Variants in BAIAP2 observed in about 807,000 individuals in gnomAD.
BAIAP2 encodes BAR/IMD domain containing adaptor protein 2.
In BAIAP2, 18 loss-of-function variants were observed where a neutral mutation model predicts 63.0. The ratio of observed to expected loss-of-function variants is 0.29; its 90% CI spans 0.20 to 0.42. BAIAP2 has a LOEUF of 0.42. BAIAP2 is among the 10% of genes least tolerant of loss of function. The probability of loss-of-function intolerance (pLI) is 1.00; values close to 1 mark genes in which losing one functional copy is unlikely to be tolerated. For missense variants in BAIAP2, 610 were observed against 734.3 expected, an observed-to-expected ratio of 0.83 and a Z score of 1.96; for synonymous variants, 386 against 307.6, an observed-to-expected ratio of 1.25 and a Z score of -2.67.
intron 3 of BAIAP2, among the ~76,000 whole-genome samples, chr17:81,084,269 G>C (rs1217110143): frequency 6.6e-6 from 1 of 152,170 alleles, no homozygotes; most frequent in Non-Finnish European, 1.5e-5. Flanking sequence ...GCGCTCCTCT[G>C]GGGCTCAAAG....
Position 81,035,160 on chromosome 17 carries a change from G to T in BAIAP2, c.-95G>T. 9.5e-7 allele frequency: 1 copy of T among 1,054,634 alleles called. No individual in the cohort carries two copies. Among genetic ancestry groups the T allele is most frequent in the African/African-American group, 1.7e-5 (1 of 58,936 alleles). The allele number at this position is 1,054,634 out of a possible 1,614,324, so 65.3% of individuals were successfully genotyped here. ...CCGGACGCCGGGCTCTGTGGTTCGG[G>T]TCCGCTTTCGTCTCCGTCCTGCTGC... On this transcript the variant is annotated 5_prime_UTR_variant, in exon 1 of 14. Coordinates refer to ENST00000428708, the MANE Select transcript of BAIAP2 (RefSeq NM_001144888.2).
chr17:81,064,823 C>A (rs1167910345), intron 3 of BAIAP2, among the ~76,000 whole-genome samples: 3 of 152,190 alleles, frequency 2.0e-5, no homozygotes. Context: ...TTTTTCCCTG[C>A]AGTGAAAGAG....
At chr17:81,101,179 C>T (rs976920948) in intron 7 of BAIAP2, among the ~76,000 whole-genome samples, 10 of 152,168 alleles carry the variant, frequency 6.6e-5, no homozygotes, top group Non-Finnish European at 1.2e-4. Context: ...CCAGCCTTGT[C>T]GTTCCTTGTG....
At chr17:81,063,400 C>T (rs531408935) in intron 3 of BAIAP2, among the ~76,000 whole-genome samples, 4 of 152,344 alleles carry the variant, frequency 2.6e-5, no homozygotes, top group Admixed American at 6.5e-5. Flanking sequence ...ATTCCATAAA[C>T]GTGTAACAGT....
intron 1 of BAIAP2, among the ~76,000 whole-genome samples, chr17:81,039,317 A>G (rs2143426982): frequency 6.6e-6 from 1 of 152,338 alleles, no homozygotes; most frequent in Admixed American, 6.5e-5. Context: ...TGTTGGCTCC[A>G]GGGTGTACAA....
intron 7 of BAIAP2, among the ~76,000 whole-genome samples, chr17:81,102,604 G>A (rs1191922672): frequency 6.6e-6 from 1 of 152,228 alleles, no homozygotes; most frequent in Non-Finnish European, 1.5e-5. Context: ...GCTGACCCCT[G>A]GTCTGAGCCA....
intron 1 of BAIAP2, 147 bp downstream of exon 1, chr17:81,035,455 C>T: frequency 3.1e-6 from 1 of 317,698 alleles, no homozygotes; most frequent in Non-Finnish European, 4.5e-6. Flanking sequence ...GGCGCGGCCA[C>T]CCGGGACCCG....
Position 81,104,120 on chromosome 17 carries a change from G to T in BAIAP2, c.1066+12G>T. 1 of 1,612,494 alleles carries T rather than the reference G, an allele frequency of 6.2e-7. No homozygotes were observed. Among genetic ancestry groups the T allele is most frequent in the Non-Finnish European group, 8.5e-7 (1 of 1,179,620 alleles). On this transcript the variant is annotated intron_variant, in intron 9 of 13. Transcript: ENST00000428708. ...CAGCTATGCCACCAGTAAGGGCTCCGCTGGGGTGTTGGGCTGGGGTCCCTG... is the reference window on the plus strand; with the variant it reads ...CAGCTATGCCACCAGTAAGGGCTCCTCTGGGGTGTTGGGCTGGGGTCCCTG...
intron 1 of BAIAP2, chr17:81,036,753 G>A (rs2046328434): frequency 2.1e-6 from 2 of 930,362 alleles, no homozygotes; most frequent in African/African-American, 3.3e-5. Context: ...CACAGAGTCT[G>A]TGGCATACGG....
In BAIAP2 at chr17:81,114,157, T is replaced by C. The variant is rs2060247052; in HGVS notation, c.1536-1613T>C. Among the ~76,000 whole-genome samples, 4 of 130,198 alleles carry C rather than the reference T, an allele frequency of 3.1e-5. No homozygotes were observed. In the Admixed American group the frequency reaches 3.4e-4, roughly 11 times the overall value. The allele number at this position is 130,198 out of a possible 152,430, so 85.4% of individuals were successfully genotyped here. A position where few individuals can be genotyped will look rare whatever the true frequency, so the allele number is the denominator to read the frequency against. On this transcript the variant is annotated intron_variant, in intron 13 of 13. Coordinates refer to ENST00000428708, the MANE Select transcript of BAIAP2 (RefSeq NM_001144888.2). Reference sequence around the variant, plus strand: ...CCTAATTTTTTTTTTTTTTTTTTTGTAGAGACGGGTACGCTTTGCTGCCCA... The same window carrying C: ...CCTAATTTTTTTTTTTTTTTTTTTGCAGAGACGGGTACGCTTTGCTGCCCA...
chr17:81,077,460 C>T lies in BAIAP2; in HGVS notation c.218-7372C>T, dbSNP rs773112503. ...GCGCACATCTGCAGTCCCAGCTACT[C>T]GGGAGGCTGAGGCAGGATAATCACT... On this transcript the variant is annotated intron_variant, in intron 3 of 13. Transcript: ENST00000428708. 5.9e-5 allele frequency among the ~76,000 whole-genome samples: 9 copies of T among 151,886 alleles called. No individual in the cohort carries two copies. The East Asian group carries it at 1.6e-3, about 26-fold the overall frequency.
intron 2 of BAIAP2, among the ~76,000 whole-genome samples, chr17:81,057,077 C>A (rs1043821058): frequency 6.6e-6 from 1 of 152,268 alleles, no homozygotes; most frequent in African/African-American, 2.4e-5. Context: ...CAGTTATAGG[C>A]CCCTAAGTGG....
chr17:81,085,826 C>T (rs533370078), intron 5 of BAIAP2, 101 bp downstream of exon 5: 165 of 888,534 alleles, frequency 1.9e-4, no homozygotes, highest in South Asian at 1.7e-3. Flanking sequence ...CCCACTTCCC[C>T]GAGCTCCCCG....
chr17:81,108,258 T>C, intron 12 of BAIAP2: 1 of 598,364 alleles, frequency 1.7e-6, no homozygotes, highest in Admixed American at 3.0e-5. Context: ...CTGGAGGAGG[T>C]ATCCCCTTTA....
intron 1 of BAIAP2, among the ~76,000 whole-genome samples, chr17:81,038,589 C>T (rs1039864119): frequency 5.3e-5 from 8 of 152,232 alleles, no homozygotes; most frequent in South Asian, 4.1e-4. Context: ...GGGCCGCAGC[C>T]GTGCTTCGAG....
intron 13 of BAIAP2, among the ~76,000 whole-genome samples, chr17:81,112,155 G>A (rs1404257841): frequency 6.6e-6 from 1 of 151,876 alleles, no homozygotes; most frequent in African/African-American, 2.4e-5. Context: ...GAGGCCTCCA[G>A]ACCCCCCCAC....
intron 13 of BAIAP2, among the ~76,000 whole-genome samples, chr17:81,113,258 C>T (rs150611524): frequency 1.3e-5 from 2 of 152,292 alleles, no homozygotes; most frequent in African/African-American, 4.8e-5. Context: ...CGTCTGGTGA[C>T]TTTCCTTTGC....
intron 8 of BAIAP2, 80 bp downstream of exon 8, chr17:81,103,803 G>T: frequency 1.3e-6 from 2 of 1,580,958 alleles, no homozygotes; most frequent in South Asian, 1.1e-5. Flanking sequence ...CCGCCAGGGT[G>T]CAGAGTCCAG....
At chr17:81,084,548 A>G (rs535628005) in intron 3 of BAIAP2, among the ~76,000 whole-genome samples, 1 of 152,126 alleles carries the variant, frequency 6.6e-6, no homozygotes, top group African/African-American at 2.4e-5. Context: ...GGGGTGAAGC[A>G]CACACGGGCT....
Sources: allele counts gnomAD v4.1 joint callset (sites outside exome capture counted in the v4.1 genomes callset), GRCh38; gene constraint gnomAD v4.1.1; transcripts MANE v1.5; gene names NCBI Gene and HGNC (gene_info 2026-07-23, HGNC 2026-07-21).